Variants in SORCS1 observed in about 807,000 individuals in gnomAD.
SORCS1 encodes sortilin related VPS10 domain containing receptor 1.
A neutral mutation model predicts 146.1 loss-of-function variants in SORCS1; 60 were observed. The ratio of observed to expected loss-of-function variants is 0.41; its 90% CI spans 0.33 to 0.51. The LOEUF is 0.51. Ranked by LOEUF, SORCS1 falls within the 20% of genes least tolerant of loss-of-function variation. The pLI is 0.21. For missense variants in SORCS1, 1,352 were observed against 1,487.6 expected, an observed-to-expected ratio of 0.91 and a Z score of 1.50; for synonymous variants, 637 against 584.0, an observed-to-expected ratio of 1.09 and a Z score of -1.31.
intron 8 of SORCS1, among the ~76,000 whole-genome samples, chr10:106,701,977 A>C (rs923664183): frequency 4.9e-4 from 74 of 152,232 alleles, no homozygotes; most frequent in African/African-American, 1.6e-3. Flanking sequence ...ATCTAGGTTC[A>C]TGTGACCTTT....
intron 1 of SORCS1, among the ~76,000 whole-genome samples, chr10:107,003,800 T>C (rs1228395287): frequency 1.3e-5 from 2 of 152,096 alleles, no homozygotes; most frequent in African/African-American, 4.8e-5. Context: ...AACATGGCCC[T>C]GAATAGTTGG....
rs1952804291 is a variant in SORCS1 at position 106,923,136 on chromosome 10, G to A, written c.626+33377C>T. On this transcript the variant is annotated intron_variant, in intron 2 of 25. Coordinates refer to ENST00000263054, the MANE Select transcript of SORCS1 (RefSeq NM_052918.5). ...GATCTCTTGACCTCGTGATCCGCCC[G>A]CCTCAGCATCCCAAAGTGCTGGGAT... 5.3e-5 allele frequency among the ~76,000 whole-genome samples: 8 copies of A among 152,232 alleles called. No individual in the cohort carries two copies. The South Asian group carries it at 1.2e-3, about 24-fold the overall frequency.
intron 1 of SORCS1, among the ~76,000 whole-genome samples, chr10:107,041,673 G>C (rs1695990739): frequency 1.3e-5 from 2 of 151,992 alleles, no homozygotes; most frequent in Admixed American, 1.3e-4. Context: ...TTATATAGAG[G>C]CCCAGTATGT....
intron 22 of SORCS1, among the ~76,000 whole-genome samples, chr10:106,610,246 A>G (rs1398180563): frequency 1.3e-5 from 2 of 151,952 alleles, no homozygotes; most frequent in African/African-American, 4.8e-5. Flanking sequence ...GGATGGCCCT[A>G]GAGTGGAGTG....
intron 21 of SORCS1, among the ~76,000 whole-genome samples, chr10:106,616,919 C>T (rs996003875): frequency 2.0e-5 from 3 of 150,244 alleles, no homozygotes; most frequent in East Asian, 2.0e-4. Context: ...ATTTGGACCA[C>T]GAGCTAGGCT....
At chr10:107,121,327 T>C (rs1475935167) in intron 1 of SORCS1, among the ~76,000 whole-genome samples, 1 of 152,134 alleles carries the variant, frequency 6.6e-6, no homozygotes, top group Admixed American at 6.5e-5. Flanking sequence ...AGAAGATCCA[T>C]AAAATGCATG....
chr10:106,689,030 T>C (rs542074682), intron 9 of SORCS1, among the ~76,000 whole-genome samples: 1 of 152,328 alleles, frequency 6.6e-6, no homozygotes, highest in East Asian at 1.9e-4. Context: ...ACACGGAACA[T>C]AAGAGGACAG....
chr10:106,999,666 A>G (rs1259423711), intron 1 of SORCS1, among the ~76,000 whole-genome samples: 2 of 152,214 alleles, frequency 1.3e-5, no homozygotes, highest in South Asian at 2.1e-4. Flanking sequence ...CTGGCAAACA[A>G]TAATTTAGCT....
chr10:106,696,015 C>A (rs1313571079), intron 9 of SORCS1, among the ~76,000 whole-genome samples: 1 of 152,096 alleles, frequency 6.6e-6, no homozygotes, highest in East Asian at 1.9e-4. Context: ...TTAGAAAGAC[C>A]CGTCAGCAAT....
chr10:106,720,034 C>T (rs1017270315), intron 6 of SORCS1, among the ~76,000 whole-genome samples: 9 of 152,172 alleles, frequency 5.9e-5, no homozygotes, highest in Non-Finnish European at 1.0e-4. Context: ...CCACCTTATC[C>T]GAGATTTCTT....
chr10:107,011,958 TAAAAG>T (rs1385343710), intron 1 of SORCS1, among the ~76,000 whole-genome samples: 1 of 152,244 alleles, frequency 6.6e-6, no homozygotes, highest in Non-Finnish European at 1.5e-5. Context: ...TCTTTATTTC[TAAAAG>T]AAAAGAAAAG....
At chr10:106,884,830 G>T (rs1337009666) in intron 2 of SORCS1, among the ~76,000 whole-genome samples, 3 of 152,038 alleles carry the variant, frequency 2.0e-5, no homozygotes, top group Non-Finnish European at 4.4e-5. Flanking sequence ...ATCTCATAGT[G>T]GCAATGAAAA....
chr10:106,924,823 C>T (rs2418825), intron 2 of SORCS1, among the ~76,000 whole-genome samples: 132,414 of 149,688 alleles, frequency 0.88, 59,876 homozygotes, highest in Non-Finnish European at 1. Context: ...TGCTTTTCAT[C>T]TTGACAAGAA....
chr10:106,980,399 C>T (rs1956203670), intron 1 of SORCS1, among the ~76,000 whole-genome samples: 1 of 152,208 alleles, frequency 6.6e-6, no homozygotes, highest in Non-Finnish European at 1.5e-5. Flanking sequence ...TGCCTTCTAT[C>T]TTGGAGAACA....
At chr10:106,585,464 G>C (rs1845174813) in intron 24 of SORCS1, among the ~76,000 whole-genome samples, 1 of 152,084 alleles carries the variant, frequency 6.6e-6, no homozygotes, top group African/African-American at 2.4e-5. Context: ...CTTTGCTGTT[G>C]ATAGTAGCTC....
In SORCS1 at chr10:106,652,559, T is replaced by C. The variant is rs1342239457; in HGVS notation, c.2304-6A>G. The stretch of plus-strand genomic sequence containing the variant: ...TGGAAACCACCTTCCTGTACCTAAA[T>C]GGAAAAAAGCTCAAGTCGTAAACCA... On this transcript the variant is annotated splice_polypyrimidine_tract_variant and splice_region_variant and intron_variant, in intron 17 of 25. Coordinates refer to ENST00000263054, the MANE Select transcript of SORCS1 (RefSeq NM_052918.5). The C allele has an allele frequency of 1.9e-6, 3 of 1,609,204 alleles. No homozygotes were observed. The highest frequency in any genetic ancestry group is 2.2e-5 in the South Asian group (2 of 90,830).
intron 1 of SORCS1, among the ~76,000 whole-genome samples, chr10:107,090,368 A>G (rs1169724202): frequency 6.6e-6 from 1 of 152,200 alleles, no homozygotes; most frequent in African/African-American, 2.4e-5. Context: ...TGTTTCCCTT[A>G]TGTGACTAAT....
At chr10:106,983,970 A>T (rs1956344465) in intron 1 of SORCS1, among the ~76,000 whole-genome samples, 1 of 152,242 alleles carries the variant, frequency 6.6e-6, no homozygotes, top group Middle Eastern at 3.2e-3. Flanking sequence ...GTGATAATTA[A>T]TAAGAAAGCT....
Position 106,678,112 on chromosome 10 carries a change from G to A in SORCS1, c.1741-708C>T, listed in dbSNP as rs149864842. On this transcript the variant is annotated intron_variant, in intron 12 of 25. Transcript: ENST00000263054. ...TGTATAAGATGCATGCTGTTTTCTC[G>A]TCAGATTATTAGTGTAGCCTTGCCT... 3.8e-4 allele frequency among the ~76,000 whole-genome samples: 58 copies of A among 152,244 alleles called. No individual in the cohort carries two copies. In the South Asian group the frequency reaches 0.01, roughly 27 times the overall value.
Sources: gnomAD v4.1 joint callset for allele counts (sites outside exome capture counted in the v4.1 genomes callset) on GRCh38, gnomAD v4.1.1 for gene constraint, MANE v1.5 for transcripts, NCBI Gene and HGNC (gene_info 2026-07-23, HGNC 2026-07-21) for gene names.